CAPRIN1: variants seen among roughly 807,000 people sequenced by gnomAD.
CAPRIN1 encodes the protein caprin-1.
A neutral mutation model predicts 100.9 loss-of-function variants in CAPRIN1; 29 were observed. That is an observed-to-expected ratio of 0.29 (90% CI 0.21 to 0.39). CAPRIN1 has a LOEUF of 0.39. CAPRIN1 is among the 10% of genes least tolerant of loss of function. The pLI, the probability that CAPRIN1 is intolerant of heterozygous loss-of-function variation, is 1.00. For missense variants in CAPRIN1, 795 were observed against 876.7 expected (o/e 0.91, Z 1.18); for synonymous variants, 338 against 307.5 (o/e 1.10, Z -1.04).
chr11:34,070,689 C>T (rs1850789302), intron 2 of CAPRIN1, among the ~76,000 whole-genome samples: 1 of 149,080 alleles, frequency 6.7e-6, no homozygotes, highest in Non-Finnish European at 1.5e-5. Flanking sequence ...AGCCACCGTG[C>T]CTGGCCCGAA....
At chr11:34,090,741 T>A (rs1851247756) in intron 14 of CAPRIN1, 63 bp downstream of exon 14, 2 of 1,507,852 alleles carry the variant, frequency 1.3e-6, no homozygotes, top group Non-Finnish European at 1.8e-6. Flanking sequence ...GATTTTCTTT[T>A]CTTTTTTAAA....
At position 34,085,941 on chromosome 11, in the gene CAPRIN1, G is replaced by A. The variant is rs765440168; in HGVS notation, c.967-123G>A. 8.6e-5 allele frequency: 60 copies of A among 694,306 alleles called. 1 individual carries two copies. Among genetic ancestry groups the A allele is most frequent in the Non-Finnish European group, 1.3e-4 (53 of 415,640 alleles). 43.0% of individuals were successfully genotyped at this position (694,306 alleles called of 1,614,324 possible). ...ATAAATGTAATTCATTTGGGTAACT[G>A]CATTAAAGCCCGTTCTGTTTATAGT... On this transcript the variant is annotated intron_variant, in intron 9 of 18. Transcript: ENST00000341394.
chr11:34,094,688 T>G (rs1218749963), intron 15 of CAPRIN1, among the ~76,000 whole-genome samples: 1 of 152,102 alleles, frequency 6.6e-6, no homozygotes, highest in Non-Finnish European at 1.5e-5. Flanking sequence ...TTGTAGCTAC[T>G]CAGGAGGCTA....
intron 6 of CAPRIN1, among the ~76,000 whole-genome samples, chr11:34,078,043 A>C (rs1397883260): frequency 6.6e-6 from 1 of 152,148 alleles, no homozygotes; most frequent in African/African-American, 2.4e-5. Flanking sequence ...GTTATTTTCT[A>C]CCTAATCTTG....
At chr11:34,059,485 G>T (rs1289787652) in intron 2 of CAPRIN1, among the ~76,000 whole-genome samples, 1 of 152,144 alleles carries the variant, frequency 6.6e-6, no homozygotes, top group Non-Finnish European at 1.5e-5. Flanking sequence ...GGCCATGCTG[G>T]TCTTGAACTC....
At chr11:34,095,391 A>G (rs1357888895) in intron 15 of CAPRIN1, among the ~76,000 whole-genome samples, 1 of 152,256 alleles carries the variant, frequency 6.6e-6, no homozygotes, top group Non-Finnish European at 1.5e-5. Flanking sequence ...ATCTATGTAA[A>G]AAGATGACAC....
chr11:34,072,048 C>A, intron 4 of CAPRIN1, 61 bp downstream of exon 4: 3 of 1,069,350 alleles, frequency 2.8e-6, no homozygotes, highest in Non-Finnish European at 4.2e-6. Context: ...GGGTTTTAGT[C>A]CTTCCATTAC....
At position 34,052,546 on chromosome 11, in the gene CAPRIN1, C is replaced by T; in HGVS notation, c.126C>T (p.Pro42=). 1.2e-6 allele frequency: 2 copies of T among 1,608,882 alleles called. No homozygotes were observed. The highest frequency in any genetic ancestry group is 1.7e-6 in the Non-Finnish European group (2 of 1,178,360). The stretch of plus-strand genomic sequence containing the variant: ...CCGCCGCGCCGGCTTCTCAGCACCC[C>T]GCAACCGGCACCGGCGCTGTCCAGA... ...AGAAAPASQH[P]ATGTGAVQTE... Residue 42 remains proline (P), a synonymous_variant, in exon 2 of 19, where the codon CCC becomes CCT. Coordinates refer to ENST00000341394, the MANE Select transcript of CAPRIN1 (RefSeq NM_005898.5).
intron 15 of CAPRIN1, among the ~76,000 whole-genome samples, chr11:34,093,163 C>T (rs939088705): frequency 8.6e-5 from 13 of 150,796 alleles, no homozygotes; most frequent in African/African-American, 3.2e-4. Flanking sequence ...ACTACCTTGT[C>T]TAGCTCGATA....
At chr11:34,077,937 AAG>A (rs1369112324) in intron 6 of CAPRIN1, among the ~76,000 whole-genome samples, 1 of 152,186 alleles carries the variant, frequency 6.6e-6, no homozygotes, top group African/African-American at 2.4e-5. Context: ...TAACTTAAAA[AAG>A]TAGTTTTAGG....
intron 2 of CAPRIN1, among the ~76,000 whole-genome samples, chr11:34,061,675 G>C (rs772154196): frequency 2.6e-5 from 4 of 151,934 alleles, no homozygotes; most frequent in African/African-American, 9.7e-5. Flanking sequence ...GGTGGTAGAA[G>C]TATATCCTTA....
At position 34,101,559 on chromosome 11, in the gene CAPRIN1, CTG is replaced by C. The variant is rs567797147; in HGVS notation, c.*2194_*2195del. 2.0e-5 allele frequency among the ~76,000 whole-genome samples: 3 copies of C among 152,140 alleles called. No homozygotes were observed. Among genetic ancestry groups the C allele is most frequent in the Admixed American group, 6.5e-5 (1 of 15,276 alleles). On this transcript the variant is annotated 3_prime_UTR_variant, in exon 19 of 19. Transcript: ENST00000341394. ...ATGTGTAAAGGTGTTCATAGTTTGACTGTTTCTATGTATGTTTTTTCAAAGAA... is the reference window on the plus strand; with the variant it reads ...ATGTGTAAAGGTGTTCATAGTTTGACTTTCTATGTATGTTTTTTCAAAGAA...
At position 34,052,450 on chromosome 11, in the gene CAPRIN1, C is replaced by T. The variant is rs754843837; in HGVS notation, c.30C>T (p.Ser10=). ...CCTCGGCCACCAGCCACAGCGGGAG[C>T]GGCAGCAAGTCGTCCGGACCGCCAC... MPSATSHSG[S]GSKSSGPPPP... Residue 10 remains serine, a synonymous_variant, in exon 2 of 19, where the codon AGC becomes AGT. Coordinates refer to ENST00000341394, the MANE Select transcript of CAPRIN1 (RefSeq NM_005898.5). 1 of 1,607,216 alleles carries T rather than the reference C, an allele frequency of 6.2e-7. No homozygotes were observed. Among genetic ancestry groups the T allele is most frequent in the Non-Finnish European group, 8.5e-7 (1 of 1,178,752 alleles).
intron 14 of CAPRIN1, among the ~76,000 whole-genome samples, chr11:34,091,378 C>T (rs1299611847): frequency 6.6e-6 from 1 of 152,174 alleles, no homozygotes; most frequent in African/African-American, 2.4e-5. Flanking sequence ...TATCCGCCTC[C>T]TGGGTTCAAG....
At chr11:34,077,414 G>A (rs1449398765) in intron 6 of CAPRIN1, among the ~76,000 whole-genome samples, 1 of 152,180 alleles carries the variant, frequency 6.6e-6, no homozygotes, top group Non-Finnish European at 1.5e-5. Flanking sequence ...CTGCTAATTT[G>A]AGGATGTTAA....
chr11:34,052,788 G>A (rs1053926376), intron 2 of CAPRIN1, 152 bp downstream of exon 2: 130 of 1,419,920 alleles, frequency 9.2e-5, no homozygotes, highest in African/African-American at 1.6e-4. Context: ...CCGTCTCCAC[G>A]TTCAGCGGGA....
intron 9 of CAPRIN1, among the ~76,000 whole-genome samples, chr11:34,084,201 G>A (rs184431748): frequency 2.6e-5 from 4 of 151,780 alleles, no homozygotes; most frequent in South Asian, 2.1e-4. Flanking sequence ...TGATCTGCCC[G>A]TTTCAGCCTC....
At chr11:34,088,192 A>T (rs1851189018) in intron 11 of CAPRIN1, among the ~76,000 whole-genome samples, 1 of 152,072 alleles carries the variant, frequency 6.6e-6, no homozygotes, top group African/African-American at 2.4e-5. Context: ...TTAAGTAGAG[A>T]TGGGGTTTCA....
In CAPRIN1 at chr11:34,064,547, A is replaced by T. The variant is rs190307655; in HGVS notation, c.217-7179A>T. Among the ~76,000 whole-genome samples the T allele has an allele frequency of 7.2e-5, 11 of 152,342 alleles. 1 individual carries two copies. Among genetic ancestry groups the T allele is most frequent in the Admixed American group, 2.6e-4 (4 of 15,304 alleles). On this transcript the variant is annotated intron_variant, in intron 2 of 18. Transcript: ENST00000341394. The stretch of plus-strand genomic sequence containing the variant: ...CACTTAAGGAGTAAGCTGAGATTGC[A>T]AGCTATAGTAATCTTTATAGCTATA...
Sources: allele counts gnomAD v4.1 joint callset (sites outside exome capture counted in the v4.1 genomes callset), GRCh38; gene constraint gnomAD v4.1.1; transcripts MANE v1.5; gene names NCBI Gene and HGNC (gene_info 2026-07-23, HGNC 2026-07-21).